The following XPNPEP1 variants were observed in gnomAD, a reference collection of about 807,000 sequenced individuals.
XPNPEP1 encodes the protein X-prolyl aminopeptidase 1.
Under a neutral mutation model 92.4 loss-of-function variants are expected in XPNPEP1, and 39 were observed. That is an observed-to-expected ratio of 0.42 (90% CI 0.33 to 0.55). The LOEUF (loss-of-function observed/expected upper bound fraction) is 0.55, where lower values mean the gene tolerates loss of function less well. Ranked by LOEUF, XPNPEP1 falls within the 20% of genes least tolerant of loss-of-function variation. The pLI, the probability that XPNPEP1 is intolerant of heterozygous loss-of-function variation, is 0.08. For missense variants in XPNPEP1, 654 were observed against 856.1 expected (o/e 0.76, Z 2.95); for synonymous variants, 307 against 299.4 (o/e 1.03, Z -0.26).
At chr10:109,888,014 C>A in intron 7 of XPNPEP1, 35 bp downstream of exon 7, 3 of 1,609,166 alleles carry the variant, frequency 1.9e-6, no homozygotes, top group South Asian at 1.1e-5. Context: ...GGGACAATGG[C>A]AGGGGCCCTG....
chr10:109,872,782 G>C (rs996252216), intron 16 of XPNPEP1, among the ~76,000 whole-genome samples: 5 of 152,130 alleles, frequency 3.3e-5, no homozygotes, highest in African/African-American at 1.2e-4. Context: ...CGGGAAGGTG[G>C]GTCCTTTTAT....
intron 3 of XPNPEP1, among the ~76,000 whole-genome samples, chr10:109,897,577 A>C (rs1356170608): frequency 6.6e-6 from 1 of 152,196 alleles, no homozygotes; most frequent in Non-Finnish European, 1.5e-5. Flanking sequence ...AGATGAAAAA[A>C]ATGAAGCTTA....
At chr10:109,918,384 G>A (rs776016580) in intron 1 of XPNPEP1, among the ~76,000 whole-genome samples, 14 of 152,116 alleles carry the variant, frequency 9.2e-5, no homozygotes, top group Non-Finnish European at 1.6e-4. Context: ...TCGCCCCACT[G>A]CAGTCTAGCC....
intron 15 of XPNPEP1, among the ~76,000 whole-genome samples, chr10:109,873,995 C>G (rs1184639747): frequency 6.6e-6 from 1 of 152,042 alleles, no homozygotes; most frequent in African/African-American, 2.4e-5. Flanking sequence ...GGGGTAGTGA[C>G]CGCTATTGGG....
At chr10:109,908,653 T>A (rs1359848271) in intron 2 of XPNPEP1, among the ~76,000 whole-genome samples, 1 of 152,220 alleles carries the variant, frequency 6.6e-6, no homozygotes, top group Non-Finnish European at 1.5e-5. Flanking sequence ...TAGATTGTTC[T>A]TATTTATTTA....
At chr10:109,900,813 T>C (rs768097347) in intron 3 of XPNPEP1, among the ~76,000 whole-genome samples, 1 of 152,218 alleles carries the variant, frequency 6.6e-6, no homozygotes, top group Non-Finnish European at 1.5e-5. Flanking sequence ...GGGTAATTCA[T>C]GGATGGTCTT....
intron 14 of XPNPEP1, 130 bp downstream of exon 14, chr10:109,877,660 T>C (rs1202295744): frequency 1.7e-6 from 2 of 1,163,284 alleles, no homozygotes; most frequent in African/African-American, 1.5e-5. Context: ...CTTATTTCCC[T>C]TCATTTTACA....
chr10:109,918,500 G>A (rs924372880), intron 1 of XPNPEP1, among the ~76,000 whole-genome samples: 4 of 151,100 alleles, frequency 2.6e-5, no homozygotes, highest in Non-Finnish European at 5.9e-5. Context: ...GGTGGCTCAC[G>A]CCTGTAATCC....
chr10:109,887,124 T>G (rs1298941637), intron 7 of XPNPEP1, among the ~76,000 whole-genome samples: 1 of 151,806 alleles, frequency 6.6e-6, no homozygotes, highest in Admixed American at 6.6e-5. Context: ...ATCCTGCAGA[T>G]AGTAGGCACC....
chr10:109,913,818 T>C (rs1850018931), intron 2 of XPNPEP1, among the ~76,000 whole-genome samples: 1 of 152,144 alleles, frequency 6.6e-6, no homozygotes, highest in African/African-American at 2.4e-5. Context: ...CTACCTAACC[T>C]CTATTTCCTC....
At chr10:109,866,177 T>C (rs1480056983) in intron 20 of XPNPEP1, among the ~76,000 whole-genome samples, 1 of 152,196 alleles carries the variant, frequency 6.6e-6, no homozygotes, top group African/African-American at 2.4e-5. Flanking sequence ...AAAGGCCATT[T>C]TGGAGGGCAG....
intron 2 of XPNPEP1, among the ~76,000 whole-genome samples, chr10:109,913,169 T>C (rs1453328949): frequency 6.6e-6 from 1 of 152,262 alleles, no homozygotes; most frequent in Non-Finnish European, 1.5e-5. Context: ...TATACAGGTC[T>C]GCTTTTAGAA....
intron 14 of XPNPEP1, chr10:109,875,897 A>C (rs1057419846): frequency 3.8e-6 from 1 of 262,334 alleles, no homozygotes; most frequent in Non-Finnish European, 7.4e-6. Context: ...TCAAGAGATA[A>C]TTCTAAAAGC....
intron 1 of XPNPEP1, among the ~76,000 whole-genome samples, chr10:109,921,544 C>G (rs986072168): frequency 1.3e-5 from 2 of 152,210 alleles, no homozygotes; most frequent in Non-Finnish European, 2.9e-5. Context: ...GGGAATCACA[C>G]ATGTGTAGCG....
chr10:109,870,032 AAAAC>A lies in XPNPEP1; in HGVS notation c.1697-7_1697-4del, dbSNP rs1272060437. 6.2e-7 allele frequency: 1 copy of A among 1,613,998 alleles called. No homozygotes were observed. The highest frequency in any genetic ancestry group is 8.5e-7 in the Non-Finnish European group (1 of 1,179,918). ...CCCATCTTCATAGTACCCGGGCTCT[AAAAC>A]AAACCAAATCCCAAAAATGAGAAGC... On this transcript the variant is annotated splice_polypyrimidine_tract_variant and splice_region_variant and intron_variant, in intron 18 of 20. Coordinates refer to ENST00000502935, the MANE Select transcript of XPNPEP1 (RefSeq NM_020383.4).
At chr10:109,893,422 G>C (rs1246391455) in intron 3 of XPNPEP1, 1 of 192,232 alleles carries the variant, frequency 5.2e-6, no homozygotes, top group Non-Finnish European at 1.1e-5. Flanking sequence ...TGACATTTAG[G>C]CATCTGTTAT....
chr10:109,885,163 A>C (rs1401075145), intron 8 of XPNPEP1, among the ~76,000 whole-genome samples: 1 of 152,238 alleles, frequency 6.6e-6, no homozygotes, highest in African/African-American at 2.4e-5. Flanking sequence ...GTAGCATCAT[A>C]ATAAATTACA....
At chr10:109,876,142 T>C in intron 14 of XPNPEP1, 1 of 152,808 alleles carries the variant, frequency 6.5e-6, no homozygotes, top group Non-Finnish European at 1.5e-5. Context: ...TAAAGGAATT[T>C]TGCTGGGAAA....
chr10:109,870,122 C>A, intron 18 of XPNPEP1, 93 bp from the exon 19 acceptor site: 1 of 1,387,292 alleles, frequency 7.2e-7, no homozygotes, highest in South Asian at 1.3e-5. Flanking sequence ...TGCCCTACTC[C>A]AAAGGAGAAG....
Sources: gnomAD v4.1 joint callset for allele counts (sites outside exome capture counted in the v4.1 genomes callset) on GRCh38, gnomAD v4.1.1 for gene constraint, MANE v1.5 for transcripts, NCBI Gene and HGNC (gene_info 2026-07-23, HGNC 2026-07-21) for gene names.